SLC2A9: variants seen among roughly 807,000 people sequenced by gnomAD.
The protein encoded by SLC2A9 is solute carrier family 2, facilitated glucose transporter member 9.
A neutral mutation model predicts 50.6 loss-of-function variants in SLC2A9; 39 were observed. The observed-to-expected ratio is 0.77, with a 90% confidence interval of 0.60 to 1.01. SLC2A9 has a LOEUF of 1.01. SLC2A9 is among the 50% of genes least tolerant of loss of function. The pLI is 0.00. For missense variants in SLC2A9, 686 were observed against 677.6 expected (o/e 1.01, Z -0.14); for synonymous variants, 324 against 276.9 (o/e 1.17, Z -1.69).
At chr4:9,849,529 G>A (rs1704271170) in intron 10 of SLC2A9, among the ~76,000 whole-genome samples, 1 of 152,182 alleles carries the variant, frequency 6.6e-6, no homozygotes, top group African/African-American at 2.4e-5. Context: ...CTTTCTTCCA[G>A]TGGGATTTAA....
At chr4:9,870,190 G>A (rs910050430) in intron 10 of SLC2A9, among the ~76,000 whole-genome samples, 5 of 152,260 alleles carry the variant, frequency 3.3e-5, no homozygotes, top group African/African-American at 1.2e-4. Flanking sequence ...TCTGGCCTCA[G>A]AACTGTGGGA....
At position 9,938,137 on chromosome 4, in the gene SLC2A9, C is replaced by A. The variant is rs185599792; in HGVS notation, c.814+3776G>T. ...TCATTTTCAGTTTTAAGCAGATACA[C>A]GATTACTTATCTAACTGTTCTTAGA... On this transcript the variant is annotated intron_variant, in intron 6 of 11. Transcript: ENST00000264784. 1.7e-3 allele frequency among the ~76,000 whole-genome samples: 256 copies of A among 152,228 alleles called. 1 individual carries two copies. Among genetic ancestry groups the A allele is most frequent in the Middle Eastern group, 0.01 (3 of 294 alleles).
chr4:9,828,198 C>T (rs1403148825), intron 11 of SLC2A9, among the ~76,000 whole-genome samples: 1 of 152,178 alleles, frequency 6.6e-6, no homozygotes, highest in Non-Finnish European at 1.5e-5. Context: ...CCCACATCTG[C>T]TCCATCAGGA....
chr4:9,813,312 T>C (rs1430274250), intron 3 of SLC2A9, among the ~76,000 whole-genome samples: 3 of 152,208 alleles, frequency 2.0e-5, no homozygotes, highest in African/African-American at 4.8e-5. Context: ...CACTTGTCCA[T>C]ACCAACAGTT....
intron 5 of SLC2A9, among the ~76,000 whole-genome samples, chr4:9,950,968 C>A (rs1183509103): frequency 6.6e-6 from 1 of 150,860 alleles, no homozygotes; most frequent in Non-Finnish European, 1.5e-5. Context: ...AATTACCATT[C>A]AATCCAGCAA....
chr4:9,846,830 G>A (rs752617000), intron 10 of SLC2A9, among the ~76,000 whole-genome samples: 1 of 152,108 alleles, frequency 6.6e-6, no homozygotes, highest in African/African-American at 2.4e-5. Flanking sequence ...AATTATTCCA[G>A]TGGAACCACT....
At chr4:9,965,428 T>C (rs550741747) in intron 5 of SLC2A9, among the ~76,000 whole-genome samples, 38 of 152,362 alleles carry the variant, frequency 2.5e-4, no homozygotes, top group African/African-American at 8.9e-4. Flanking sequence ...TAAAAATCAC[T>C]TGTAATTTTG....
intron 5 of SLC2A9, among the ~76,000 whole-genome samples, chr4:9,974,871 T>C (rs888655174): frequency 2.6e-5 from 4 of 152,174 alleles, no homozygotes; most frequent in African/African-American, 9.7e-5. Flanking sequence ...AAACCTACAG[T>C]AACCAAAACA....
chr4:10,012,726 G>A (rs1424566835), intron 2 of SLC2A9, among the ~76,000 whole-genome samples: 1 of 152,132 alleles, frequency 6.6e-6, no homozygotes, highest in Non-Finnish European at 1.5e-5. Context: ...GGAGCAGCAC[G>A]CACAAAGGCT....
intron 6 of SLC2A9, among the ~76,000 whole-genome samples, chr4:9,925,254 T>A (rs1744692264): frequency 6.6e-6 from 1 of 152,228 alleles, no homozygotes; most frequent in Non-Finnish European, 1.5e-5. Flanking sequence ...AGCAGTTACA[T>A]CTTTTGGAGA....
chr4:9,997,318 T>G (rs1476653914), intron 2 of SLC2A9, among the ~76,000 whole-genome samples: 2 of 152,162 alleles, frequency 1.3e-5, no homozygotes, highest in Non-Finnish European at 1.5e-5. Flanking sequence ...GGAGCTGGAC[T>G]CAGATCTGAC....
intron 5 of SLC2A9, among the ~76,000 whole-genome samples, chr4:9,945,092 T>C (rs1005946076): frequency 6.6e-6 from 1 of 152,134 alleles, no homozygotes; most frequent in African/African-American, 2.4e-5. Context: ...CCAATGACAG[T>C]GGTAAAGATG....
intron 6 of SLC2A9, among the ~76,000 whole-genome samples, chr4:9,925,975 T>G (rs1744819876): frequency 6.6e-6 from 1 of 152,118 alleles, no homozygotes; most frequent in Admixed American, 6.5e-5. Context: ...CAGACACTGA[T>G]GCATCTGGGG....
At chr4:9,928,258 C>T (rs181452216) in intron 6 of SLC2A9, among the ~76,000 whole-genome samples, 11 of 152,246 alleles carry the variant, frequency 7.2e-5, no homozygotes, top group Admixed American at 3.3e-4. Flanking sequence ...ATTGACAGTA[C>T]GCTGCCTCAC....
intron 10 of SLC2A9, among the ~76,000 whole-genome samples, chr4:9,863,502 G>T (rs1731978964): frequency 6.6e-6 from 1 of 152,050 alleles, no homozygotes; most frequent in South Asian, 2.1e-4. Flanking sequence ...AAATGACTGT[G>T]AATGATCAGC....
At chr4:9,800,291 G>A (rs534946791) in intron 3 of SLC2A9, among the ~76,000 whole-genome samples, 183 of 152,286 alleles carry the variant, frequency 1.2e-3, no homozygotes, top group Non-Finnish European at 2.1e-3. Context: ...GTTGAAGTCC[G>A]AACTCCTAGT....
chr4:9,845,512 C>G (rs1728840156), intron 10 of SLC2A9, among the ~76,000 whole-genome samples: 2 of 144,512 alleles, frequency 1.4e-5, no homozygotes, highest in African/African-American at 5.3e-5. Flanking sequence ...TCACTGCAAG[C>G]TCCGCCTCCC....
intron 7 of SLC2A9, among the ~76,000 whole-genome samples, chr4:9,915,604 G>A (rs1212121024): frequency 6.6e-6 from 1 of 152,184 alleles, no homozygotes; most frequent in African/African-American, 2.4e-5. Flanking sequence ...CTGAGGCACG[G>A]AGGAGTCATG....
chr4:9,923,872 T>C (rs138891244), intron 6 of SLC2A9: 235 of 152,450 alleles, frequency 1.5e-3, no homozygotes, highest in Non-Finnish European at 2.8e-3. Flanking sequence ...TCTGGAATGT[T>C]CTTTTGACCT....
Sources: allele counts gnomAD v4.1 joint callset (sites outside exome capture counted in the v4.1 genomes callset), GRCh38; gene constraint gnomAD v4.1.1; transcripts MANE v1.5; gene names NCBI Gene and HGNC (gene_info 2026-07-23, HGNC 2026-07-21).